Variants in LUC7L2 observed in about 807,000 individuals in gnomAD.
LUC7L2 encodes putative RNA-binding protein Luc7-like 2.
In LUC7L2, 25 loss-of-function variants were observed where a neutral mutation model predicts 52.8. That is an observed-to-expected ratio of 0.47 (90% confidence interval 0.34 to 0.66). LUC7L2 has a LOEUF of 0.66. LUC7L2 is among the 30% of genes least tolerant of loss of function. LUC7L2 has a pLI of 0.01. For synonymous variants in LUC7L2, 144 were observed against 160.9 expected, an observed-to-expected ratio of 0.89 and a Z score of 0.80; for missense variants, 328 against 497.8, an observed-to-expected ratio of 0.66 and a Z score of 3.25.
intron 4 of LUC7L2, among the ~76,000 whole-genome samples, chr7:139,405,039 TATG>T (rs1421659055): frequency 1.3e-5 from 2 of 152,166 alleles, no homozygotes; most frequent in African/African-American, 4.8e-5. Context: ...CTTAAAGTAG[TATG>T]ATATTTATGA....
intron 6 of LUC7L2, 49 bp from the exon 7 acceptor site, chr7:139,409,514 T>G: frequency 6.4e-7 from 1 of 1,556,874 alleles, no homozygotes; most frequent in Non-Finnish European, 8.7e-7. Flanking sequence ...ATAAAGCTGT[T>G]TAAGAATGGA....
intron 2 of LUC7L2, among the ~76,000 whole-genome samples, chr7:139,382,646 G>A (rs895372454): frequency 3.3e-5 from 5 of 152,110 alleles, no homozygotes; most frequent in Non-Finnish European, 5.9e-5. Context: ...ACCAGCCTAG[G>A]CCTCTCAAAG....
rs1585071448 is a variant in LUC7L2, at chr7:139,360,188, T to A, written c.-74T>A. 2.7e-6 allele frequency: 3 copies of A among 1,106,248 alleles called. No homozygotes were observed. Among genetic ancestry groups the A allele is most frequent in the Non-Finnish European group, 3.9e-6 (3 of 768,012 alleles). 68.5% of individuals were successfully genotyped at this position (1,106,248 alleles called of 1,614,324 possible). ...ACAGCAGCGCACCTTCCCCCATCCC[T>A]TCCCCTTATCCCCCAGCCCAAAAGG... is the stretch of plus-strand genomic sequence containing the variant. On this transcript the variant is annotated 5_prime_UTR_variant, in exon 1 of 10. Coordinates refer to ENST00000354926, the MANE Select transcript of LUC7L2 (RefSeq NM_016019.5).
intron 9 of LUC7L2, among the ~76,000 whole-genome samples, chr7:139,419,782 C>T (rs1395437616): frequency 6.6e-6 from 1 of 152,190 alleles, no homozygotes; most frequent in African/African-American, 2.4e-5. Flanking sequence ...TCAGCATGTT[C>T]ATAAAGAGGA....
chr7:139,414,569 G>A (rs889785292), intron 8 of LUC7L2, among the ~76,000 whole-genome samples: 2 of 152,224 alleles, frequency 1.3e-5, no homozygotes, highest in Non-Finnish European at 2.9e-5. Context: ...ATTACATTCA[G>A]TAACTTATTC....
At chr7:139,341,614 G>A in intron 1 of LUC7L2, 1 of 1,524,480 alleles carries the variant, frequency 6.6e-7, no homozygotes, top group Non-Finnish European at 8.8e-7. Flanking sequence ...TTTAATTCCT[G>A]CATTTCTGAG....
intron 8 of LUC7L2, among the ~76,000 whole-genome samples, chr7:139,414,630 C>T (rs1280888124): frequency 6.6e-6 from 1 of 152,222 alleles, no homozygotes; most frequent in Non-Finnish European, 1.5e-5. Context: ...GCCTGTAAGA[C>T]CCTGATATTA....
At chr7:139,381,248 C>A (rs1212245838) in intron 2 of LUC7L2, among the ~76,000 whole-genome samples, 2 of 152,054 alleles carry the variant, frequency 1.3e-5, no homozygotes, top group South Asian at 4.1e-4. Context: ...ATTCAGTTAT[C>A]CAGGGCAGTG....
intron 2 of LUC7L2, 110 bp downstream of exon 2, chr7:139,376,266 C>A: frequency 2.8e-6 from 3 of 1,089,406 alleles, no homozygotes; most frequent in South Asian, 1.5e-5. Flanking sequence ...GGGAGATTTG[C>A]ATCCTTTATT....
rs566872395 is a variant in LUC7L2, at chr7:139,397,511, C to CT, written c.157-1086dup. Among the ~76,000 whole-genome samples the CT allele has an allele frequency of 1.4e-3, 220 of 152,324 alleles. 2 individuals carry two copies. The highest frequency in any genetic ancestry group is 4.9e-3 in the African/African-American group (205 of 41,572). Reference sequence around the variant, plus strand: ...AAGTAGTGCTTACCACAAGTGGGAACTTAATAGTCAAAGGAAGGAGAATGA... The same window carrying CT: ...AAGTAGTGCTTACCACAAGTGGGAACTTTAATAGTCAAAGGAAGGAGAATGA... On this transcript the variant is annotated intron_variant, in intron 2 of 9. Coordinates refer to ENST00000354926, the MANE Select transcript of LUC7L2 (RefSeq NM_016019.5).
upstream of LUC7L2, chr7:139,359,660 G>A (rs1036481831): frequency 2.0e-4 from 78 of 397,670 alleles, no homozygotes; most frequent in African/African-American, 1.5e-3. Context: ...CAGCCCTACA[G>A]CCGGGAGGGA....
chr7:139,410,399 G>A (rs1055768306), intron 7 of LUC7L2, among the ~76,000 whole-genome samples: 6 of 151,878 alleles, frequency 4.0e-5, no homozygotes, highest in African/African-American at 1.5e-4. Context: ...CTCAATTCTA[G>A]GAGCCATAAA....
chr7:139,403,993 T>G (rs886698321), intron 4 of LUC7L2, among the ~76,000 whole-genome samples: 1 of 152,122 alleles, frequency 6.6e-6, no homozygotes, highest in Non-Finnish European at 1.5e-5. Flanking sequence ...AATTACATGG[T>G]CAAGGACATG....
At chr7:139,406,275 CACCCAACCTCAGGTG>C (rs1249674259) in intron 5 of LUC7L2, among the ~76,000 whole-genome samples, 1 of 151,700 alleles carries the variant, frequency 6.6e-6, no homozygotes, top group Non-Finnish European at 1.5e-5. Context: ...TGGTCTTGAA[CACCCAACCTCAGGTG>C]ATCCACCTGC....
At chr7:139,390,249 T>A (rs1045463957) in intron 2 of LUC7L2, among the ~76,000 whole-genome samples, 5 of 151,358 alleles carry the variant, frequency 3.3e-5, no homozygotes, top group African/African-American at 1.2e-4. Flanking sequence ...CTTTTTTTCT[T>A]ATTTTTTTTT....
At chr7:139,413,597 G>A (rs574993125) in intron 8 of LUC7L2, among the ~76,000 whole-genome samples, 2 of 152,290 alleles carry the variant, frequency 1.3e-5, no homozygotes, top group South Asian at 4.1e-4. Flanking sequence ...GGCCAACATG[G>A]CGAAACTCCA....
chr7:139,398,828 T>C (rs775596461), intron 3 of LUC7L2, 131 bp downstream of exon 3: 28 of 687,166 alleles, frequency 4.1e-5, no homozygotes, highest in Non-Finnish European at 6.0e-5. Context: ...AAGACTCAAG[T>C]AAGATCATGT....
Position 139,384,368 on chromosome 7 carries a change from C to T in LUC7L2, c.156+8212C>T, listed in dbSNP as rs941805842. Among the ~76,000 whole-genome samples the T allele has an allele frequency of 4.1e-4, 62 of 151,006 alleles. 2 individuals are homozygous for T. Among genetic ancestry groups the T allele is most frequent in the Non-Finnish European group, 7.4e-5 (5 of 67,574 alleles). On this transcript the variant is annotated intron_variant, in intron 2 of 9. Coordinates refer to ENST00000354926, the MANE Select transcript of LUC7L2 (RefSeq NM_016019.5). ...GCAACCTCTGCCTCTCGGGTTCAAC[C>T]GATTCTCCTGCCTCAGCCTCCCGAG...
chr7:139,349,987 T>C (rs1799399156), intron 1 of LUC7L2, among the ~76,000 whole-genome samples: 1 of 152,174 alleles, frequency 6.6e-6, no homozygotes, highest in Non-Finnish European at 1.5e-5. Flanking sequence ...TCCCCACACC[T>C]GGTCTCGGCA....
Sources: allele counts gnomAD v4.1 joint callset (sites outside exome capture counted in the v4.1 genomes callset), GRCh38; gene constraint gnomAD v4.1.1; transcripts MANE v1.5; gene names NCBI Gene and HGNC (gene_info 2026-07-23, HGNC 2026-07-21).